The following SLC12A6 variants were observed in gnomAD, a reference collection of about 807,000 sequenced individuals.
SLC12A6 encodes solute carrier family 12 member 6.
SLC12A6 carries 66 observed loss-of-function variants against 135.3 expected under a neutral mutation model. The observed-to-expected ratio is 0.49, with a 90% CI of 0.40 to 0.60. The LOEUF (loss-of-function observed/expected upper bound fraction) is 0.60. SLC12A6 is among the 20% of genes least tolerant of loss of function. SLC12A6 has a pLI of 0.00. For missense variants in SLC12A6, 1,058 were observed against 1,452.3 expected (o/e 0.73, Z 4.41); for synonymous variants, 513 against 508.8 (o/e 1.01, Z -0.11).
chr15:34,278,820 C>A (rs1894475878), intron 2 of SLC12A6, among the ~76,000 whole-genome samples: 1 of 152,034 alleles, frequency 6.6e-6, no homozygotes, highest in African/African-American at 2.4e-5. Context: ...CCACCTGCCT[C>A]AGCCTCCCAA....
At chr15:34,321,252 G>A (rs561699167) in intron 2 of SLC12A6, among the ~76,000 whole-genome samples, 239 of 152,270 alleles carry the variant, frequency 1.6e-3, no homozygotes, top group Middle Eastern at 3.4e-3. Flanking sequence ...GGCTGCACAG[G>A]TTCTCTCCTA....
intron 7 of SLC12A6, among the ~76,000 whole-genome samples, chr15:34,255,947 GAC>G (rs1892726762): frequency 1.3e-5 from 2 of 152,112 alleles, no homozygotes; most frequent in African/African-American, 4.8e-5. Flanking sequence ...CAGCCTGGGT[GAC>G]AGAGTGAGAC....
chr15:34,245,376 C>A lies in SLC12A6; in HGVS notation c.1852G>T (p.Glu618Ter), dbSNP rs746499929. The A allele has an allele frequency of 1.2e-6, 2 of 1,612,050 alleles. No individual in the cohort carries two copies. The highest frequency in any genetic ancestry group is 1.7e-6 in the Non-Finnish European group (2 of 1,178,228). The change falls in exon 15 of 26, where the codon GAA (glutamate) becomes TAA (stop). Residue 618 changes from glutamate to a stop codon, truncating the protein, a stop_gained. Transcript: ENST00000354181. LOFTEE classifies it high-confidence loss of function. Reference protein sequence around the residue: ...RVFGHSKANGEPTWALLLTAA... With the variant: ...RVFGHSKANG Reference sequence around the variant, plus strand: ...GTTAGAAGTAAAGCCCAGGTAGGTTCCCCATTGGCTTTGCTGTGGCCAAAA... The same window carrying A: ...GTTAGAAGTAAAGCCCAGGTAGGTTACCCATTGGCTTTGCTGTGGCCAAAA...
At position 34,250,931 on chromosome 15, in the gene SLC12A6, A is replaced by C. The variant is rs778906540; in HGVS notation, c.1460T>G (p.Leu487Arg). ...VLVDITTSFT[L>R]LVGIFFPSVT... The stretch of plus-strand genomic sequence containing the variant: ...AGAGGGAAAGAAGATTCCCACCAGA[A>C]GCGTGAAGGAGGTGGTGATGTCAAC... The change falls in exon 11 of 26, where the codon CTT (leucine) becomes CGT (arginine). Residue 487 changes from leucine to arginine, a missense_variant. Leu to Arg is a moderately radical substitution (Grantham distance 102). Transcript: ENST00000354181. 3.7e-6 allele frequency: 6 copies of C among 1,612,238 alleles called. No homozygotes were observed. The highest frequency in any genetic ancestry group is 1.3e-5 in the African/African-American group (1 of 74,878).
chr15:34,247,331 C>T (rs1487239848), intron 13 of SLC12A6, among the ~76,000 whole-genome samples: 1 of 152,026 alleles, frequency 6.6e-6, no homozygotes, highest in East Asian at 1.9e-4. Context: ...TCCTGGCTAA[C>T]ACAGTGAAAC....
rs144833217 is a variant in SLC12A6 at position 34,331,515 on chromosome 15, C to T, written c.271+4895G>A. 2.8e-4 allele frequency among the ~76,000 whole-genome samples: 43 copies of T among 152,304 alleles called. No homozygotes were observed. In the East Asian group the frequency reaches 6.4e-3, roughly 23 times the overall value. ...TGAAGTAGCACTACTCTCGTACATACATTAATATGCCTTTATCAGAGTACG... is the reference window on the plus strand; with the variant it reads ...TGAAGTAGCACTACTCTCGTACATATATTAATATGCCTTTATCAGAGTACG... On this transcript the variant is annotated intron_variant, in intron 2 of 25. Transcript: ENST00000354181.
At chr15:34,247,631 G>C (rs764378770) in intron 13 of SLC12A6, among the ~76,000 whole-genome samples, 4 of 151,670 alleles carry the variant, frequency 2.6e-5, no homozygotes, top group African/African-American at 4.8e-5. Context: ...TCAAGAAACA[G>C]AACACTGCCA....
chr15:34,242,176 G>T lies in SLC12A6; in HGVS notation c.2088C>A (p.Phe696Leu). The T allele has an allele frequency of 6.3e-7, 1 of 1,594,300 alleles. No homozygotes were observed. The highest frequency in any genetic ancestry group is 1.1e-5 in the South Asian group (1 of 90,616). ...CAATGGCATAATACCAGGAAGAAATGAACATCAGAGCCAGACAGATACTCA... is the reference window on the plus strand; with the variant it reads ...CAATGGCATAATACCAGGAAGAAATTAACATCAGAGCCAGACAGATACTCA... ...MGMSICLALM[F>L]ISSWYYAIVA... is the part of the protein sequence containing the mutation. Residue 696 changes from phenylalanine to leucine, a missense_variant, in exon 17 of 26, where the codon TTC (phenylalanine) becomes TTA (leucine). By Grantham distance (22) the Phe-to-Leu change is conservative. Coordinates refer to ENST00000354181, the MANE Select transcript of SLC12A6 (RefSeq NM_001365088.1).
At chr15:34,322,463 A>C (rs1889162771) in intron 2 of SLC12A6, among the ~76,000 whole-genome samples, 2 of 152,218 alleles carry the variant, frequency 1.3e-5, no homozygotes, top group Admixed American at 1.3e-4. Context: ...CTGAATTCTA[A>C]TTCATAATTA....
chr15:34,308,498 G>A lies in SLC12A6; in HGVS notation c.271+27912C>T, dbSNP rs372960084. ...AAATTAGCCGGGCATGGTGGTGCAT[G>A]TCTGTAATCCCAGCTACTCTGGAGT... is the stretch of plus-strand genomic sequence containing the variant. On this transcript the variant is annotated intron_variant, in intron 2 of 25. Transcript: ENST00000354181. Among the ~76,000 whole-genome samples the A allele has an allele frequency of 1.7e-4, 26 of 152,106 alleles. No homozygotes were observed. In the East Asian group the frequency reaches 2.9e-3, roughly 17 times the overall value.
chr15:34,251,165 A>G, intron 10 of SLC12A6, 108 bp from the exon 11 acceptor site: 1 of 839,094 alleles, frequency 1.2e-6, no homozygotes. Context: ...TACAGTTTCT[A>G]AAGGTGTGTT....
intron 2 of SLC12A6, among the ~76,000 whole-genome samples, chr15:34,334,808 A>G (rs1188502859): frequency 6.6e-6 from 1 of 152,130 alleles, no homozygotes; most frequent in African/African-American, 2.4e-5. Flanking sequence ...TCCCATTTTT[A>G]CCCCTATAGT....
At chr15:34,335,739 G>A (rs1462421186) in intron 2 of SLC12A6, among the ~76,000 whole-genome samples, 1 of 152,134 alleles carries the variant, frequency 6.6e-6, no homozygotes, top group African/African-American at 2.4e-5. Flanking sequence ...TGGCTTGTGT[G>A]CTACCTGCTA....
At chr15:34,254,880 A>G (rs1309458842) in intron 8 of SLC12A6, among the ~76,000 whole-genome samples, 2 of 152,222 alleles carry the variant, frequency 1.3e-5, no homozygotes, top group Admixed American at 6.5e-5. Flanking sequence ...AGTAATTATA[A>G]TGATGATCTT....
chr15:34,310,174 AGTGTGTGTGTGTGTGT>A (rs60783164), intron 2 of SLC12A6, among the ~76,000 whole-genome samples: 233 of 127,796 alleles, frequency 1.8e-3, no homozygotes, highest in Non-Finnish European at 3.1e-3. Context: ...ACGCCCAGCT[AGTGTGTGTGTGTGTGT>A]GTGTGTGTGT....
chr15:34,295,842 T>C (rs1349586377), intron 2 of SLC12A6, among the ~76,000 whole-genome samples: 1 of 151,968 alleles, frequency 6.6e-6, no homozygotes, highest in Non-Finnish European at 1.5e-5. Context: ...CTACTAAAAA[T>C]ACAAAAAATT....
At chr15:34,319,025 G>A (rs113986260) in intron 2 of SLC12A6, among the ~76,000 whole-genome samples, 2 of 151,940 alleles carry the variant, frequency 1.3e-5, no homozygotes, top group East Asian at 3.9e-4. Context: ...ACTGTCTACC[G>A]CTTGCTCCTC....
Position 34,257,662 on chromosome 15 carries a change from C to A in SLC12A6, c.670G>T (p.Val224Phe). 6.2e-7 allele frequency: 1 copy of A among 1,613,712 alleles called. No homozygotes were observed. Reference sequence around the variant, plus strand: ...CTTACACAGCAGCAGCAGATAAGGACAATTGCAAAAGCCTGAAGAACTCCA... The same window carrying A: ...CTTACACAGCAGCAGCAGATAAGGAAAATTGCAAAAGCCTGAAGAACTCCA... The part of the protein sequence containing the change: ...TAGVLQAFAI[V>F]LICCCCTMLT... The change falls in exon 6 of 26, where the codon GTC (valine) becomes TTC (phenylalanine). Residue 224 changes from valine to phenylalanine, a missense_variant. Val to Phe is a conservative substitution (Grantham distance 50). Coordinates refer to ENST00000354181, the MANE Select transcript of SLC12A6 (RefSeq NM_001365088.1).
Position 34,250,338 on chromosome 15 carries a change from G to A in SLC12A6, c.1609C>T (p.Leu537Phe), listed in dbSNP as rs374436588. ...TSFVYLSNVV[L>F]FGACIEGVVL... ...ACCCCTTCAATACATGCACCAAAAA[G>A]GACAACATTGCTTAAATCTACCATA... Residue 537 changes from leucine (L) to phenylalanine (F), a missense_variant, in exon 13 of 26, where the codon CTT becomes TTT. Transcript: ENST00000354181. 2 of 1,593,090 alleles carry A rather than the reference G, an allele frequency of 1.3e-6. No homozygotes were observed. Among genetic ancestry groups the A allele is most frequent in the African/African-American group, 2.7e-5 (2 of 74,474 alleles).
Sources: allele counts gnomAD v4.1 joint callset (sites outside exome capture counted in the v4.1 genomes callset), GRCh38; gene constraint gnomAD v4.1.1; transcripts MANE v1.5; gene names NCBI Gene and HGNC (gene_info 2026-07-23, HGNC 2026-07-21).